Variants in TENM2 observed in about 807,000 individuals in gnomAD.
The protein encoded by TENM2 is teneurin-2.
In TENM2, 52 loss-of-function variants were observed where a neutral mutation model predicts 245.2. The observed-to-expected ratio is 0.21, with a 90% CI of 0.17 to 0.27. The LOEUF (loss-of-function observed/expected upper bound fraction) is 0.27, where lower values mean the gene tolerates loss of function less well. Among genes scored for constraint, TENM2 ranks in the 10% least tolerant of loss-of-function variants. The pLI is 1.00. For missense variants in TENM2, 3,046 were observed against 3,666.8 expected (o/e 0.83, Z 4.37); for synonymous variants, 1,363 against 1,438.9 (o/e 0.95, Z 1.19).
chr5:168,014,535 A>T lies in TENM2; in HGVS notation c.1186+21353A>T, dbSNP rs531865550. On this transcript the variant is annotated intron_variant, in intron 5 of 28. Transcript: ENST00000518659. ...TAAGGGTAGACAAGTTGATTTCCTT[A>T]AAGCTTAAAAAAAAATTTTTCCACA... Among the ~76,000 whole-genome samples the T allele has an allele frequency of 1.9e-4, 29 of 152,296 alleles. No homozygotes were observed. The South Asian group carries it at 6.0e-3, about 32-fold the overall frequency.
chr5:167,733,177 C>T (rs77637212), intron 2 of TENM2, among the ~76,000 whole-genome samples: 1 of 152,094 alleles, frequency 6.6e-6, no homozygotes, highest in Non-Finnish European at 1.5e-5. Flanking sequence ...ACCTGCTACC[C>T]CTTCCCTTCT....
intron 4 of TENM2, among the ~76,000 whole-genome samples, chr5:167,961,391 C>G (rs1051539413): frequency 1.4e-4 from 21 of 152,114 alleles, no homozygotes; most frequent in Admixed American, 5.2e-4. Flanking sequence ...CTGTCTTTTT[C>G]CTCTCCACAC....
rs139880994 is a variant in TENM2, at chr5:167,714,769, T to G, written c.503-161217T>G. 2.0e-3 allele frequency among the ~76,000 whole-genome samples: 303 copies of G among 152,276 alleles called. 2 individuals are homozygous for G. Among genetic ancestry groups the G allele is most frequent in the African/African-American group, 6.4e-3 (267 of 41,562 alleles). ...GGATATTTTCCCTGTCTTTTGCTTA[T>G]CACTCCAACCCAGACCCTGTGCCAA... On this transcript the variant is annotated intron_variant, in intron 2 of 28. Transcript: ENST00000518659.
intron 4 of TENM2, among the ~76,000 whole-genome samples, chr5:167,990,023 G>A (rs977503909): frequency 6.6e-6 from 1 of 152,134 alleles, no homozygotes; most frequent in African/African-American, 2.4e-5. Context: ...CTGAGGATGC[G>A]AGAACTGGAG....
chr5:167,839,401 T>C (rs1415861710), intron 2 of TENM2, among the ~76,000 whole-genome samples: 6 of 152,196 alleles, frequency 3.9e-5, no homozygotes, highest in Non-Finnish European at 8.8e-5. Flanking sequence ...TGCAGAACAG[T>C]AAATCGGTGA....
At chr5:167,780,785 A>G (rs923653314) in intron 2 of TENM2, among the ~76,000 whole-genome samples, 1 of 152,202 alleles carries the variant, frequency 6.6e-6, no homozygotes, top group African/African-American at 2.4e-5. Context: ...TGTTTCCTCT[A>G]GGAGCAATGA....
chr5:167,996,154 G>T lies in TENM2; in HGVS notation c.1186+2972G>T, dbSNP rs573562238. 3.0e-4 allele frequency among the ~76,000 whole-genome samples: 46 copies of T among 152,240 alleles called. No homozygotes were observed. In the South Asian group the frequency reaches 8.9e-3, roughly 30 times the overall value. On this transcript the variant is annotated intron_variant, in intron 5 of 28. Transcript: ENST00000518659. ...TCCAGAAATGAGCAGTTTGGACATT[G>T]CTCGGCCCCCTGACAAGTTCTTCCA...
chr5:167,801,095 G>GAAAAAA (rs1176405769), intron 2 of TENM2, among the ~76,000 whole-genome samples: 27 of 50,686 alleles, frequency 5.3e-4, no homozygotes, highest in South Asian at 9.7e-4. Flanking sequence ...TATTTGAAAA[G>GAAAAAA]AAAAAAAAAA....
intron 15 of TENM2, among the ~76,000 whole-genome samples, chr5:168,195,632 G>C (rs897621924): frequency 6.2e-5 from 9 of 146,210 alleles, no homozygotes; most frequent in Non-Finnish European, 1.1e-4. Flanking sequence ...GCAGGTTCTA[G>C]AAAAAGAAGG....
At chr5:167,915,595 C>T (rs953627674) in intron 3 of TENM2, among the ~76,000 whole-genome samples, 5 of 152,228 alleles carry the variant, frequency 3.3e-5, no homozygotes, top group African/African-American at 9.6e-5. Flanking sequence ...TCCCCTGTAT[C>T]GATTCACCAA....
chr5:167,374,139 C>T (rs1008535008), intron 1 of TENM2, among the ~76,000 whole-genome samples: 6 of 152,172 alleles, frequency 3.9e-5, no homozygotes, highest in African/African-American at 1.2e-4. Context: ...CTAACATAAC[C>T]TCATTTCTGC....
intron 2 of TENM2, among the ~76,000 whole-genome samples, chr5:167,859,447 C>T (rs1480609779): frequency 1.1e-4 from 15 of 133,932 alleles, no homozygotes; most frequent in African/African-American, 4.3e-4. Flanking sequence ...TGCCCGGCCG[C>T]CCCTACTGGG....
intron 3 of TENM2, among the ~76,000 whole-genome samples, chr5:167,902,661 C>T (rs1323862799): frequency 6.6e-6 from 1 of 152,182 alleles, no homozygotes; most frequent in East Asian, 1.9e-4. Flanking sequence ...TGGCAGCCGA[C>T]TCATCGAGAA....
intron 5 of TENM2, among the ~76,000 whole-genome samples, chr5:168,012,427 G>T (rs1785291071): frequency 6.6e-6 from 1 of 152,054 alleles, no homozygotes; most frequent in South Asian, 2.1e-4. Context: ...AAGCTTGCTT[G>T]AGCCCAGGCA....
At chr5:167,878,553 G>A (rs1015172262) in intron 3 of TENM2, among the ~76,000 whole-genome samples, 3 of 144,938 alleles carry the variant, frequency 2.1e-5, no homozygotes, top group Admixed American at 7.3e-5. Flanking sequence ...AATCGAGTTC[G>A]AGTATGCGTG....
exon 11 of TENM2, chr5:168,124,918 G>A (rs956544646): frequency 6.2e-7 from 1 of 1,612,964 alleles, no homozygotes; most frequent in Non-Finnish European, 8.5e-7. Flanking sequence ...GTGCAGCCCT[G>A]GCTGGGGTGG....
chr5:167,927,284 T>C (rs1479852304), intron 3 of TENM2, among the ~76,000 whole-genome samples: 10 of 152,190 alleles, frequency 6.6e-5, no homozygotes, highest in Admixed American at 6.5e-4. Flanking sequence ...TTCTTCCCAA[T>C]GTTTTATAAT....
At chr5:167,596,787 T>C (rs1363261458) in intron 2 of TENM2, among the ~76,000 whole-genome samples, 2 of 130,690 alleles carry the variant, frequency 1.5e-5, no homozygotes, top group Non-Finnish European at 3.4e-5. Context: ...CAGAGCTAGA[T>C]TCTGCCTCAA....
intron 3 of TENM2, among the ~76,000 whole-genome samples, chr5:167,917,399 C>T (rs999223865): frequency 2.0e-5 from 3 of 151,904 alleles, no homozygotes; most frequent in Admixed American, 6.6e-5. Context: ...GTAGATGTGC[C>T]GCACTGGCTT....
Sources: gnomAD v4.1 joint callset for allele counts (sites outside exome capture counted in the v4.1 genomes callset) on GRCh38, gnomAD v4.1.1 for gene constraint, MANE v1.5 for transcripts, NCBI Gene and HGNC (gene_info 2026-07-23, HGNC 2026-07-21) for gene names.